Variants in ZFPM2 observed in about 807,000 individuals in gnomAD.
The protein encoded by ZFPM2 is zinc finger protein ZFPM2.
ZFPM2 carries 20 observed loss-of-function variants against 98.6 expected under a neutral mutation model. The observed-to-expected ratio is 0.20, with a 90% CI of 0.14 to 0.29. ZFPM2 has a LOEUF of 0.29. Ranked by LOEUF, ZFPM2 falls within the 10% of genes least tolerant of loss-of-function variation. ZFPM2 has a pLI of 1.00. For synonymous variants in ZFPM2, 518 were observed against 502.7 expected (o/e 1.03, Z -0.41); for missense variants, 1,310 against 1,388.6 (o/e 0.94, Z 0.90).
intron 5 of ZFPM2, among the ~76,000 whole-genome samples, chr8:105,694,988 AC>A (rs1204387950): frequency 1.3e-5 from 2 of 152,102 alleles, no homozygotes; most frequent in African/African-American, 4.8e-5. Context: ...TTTTAAGATA[AC>A]CCTCTAAAAC....
chr8:105,325,121 C>T (rs1812091785), intron 1 of ZFPM2, among the ~76,000 whole-genome samples: 1 of 151,748 alleles, frequency 6.6e-6, no homozygotes, highest in Non-Finnish European at 1.5e-5. Context: ...AATTCAACAC[C>T]TGCCACTGTG....
chr8:105,396,774 G>T (rs779822230), intron 1 of ZFPM2, among the ~76,000 whole-genome samples: 85 of 152,076 alleles, frequency 5.6e-4, no homozygotes, highest in Non-Finnish European at 1.0e-3. Flanking sequence ...TACAAATATT[G>T]CTAATCAAGA....
At chr8:105,648,122 T>G (rs1212325206) in intron 5 of ZFPM2, among the ~76,000 whole-genome samples, 1 of 152,236 alleles carries the variant, frequency 6.6e-6, no homozygotes, top group Non-Finnish European at 1.5e-5. Flanking sequence ...ATTCCTCTGA[T>G]GGCTAGTGAT....
chr8:105,725,817 C>T (rs73305073), intron 5 of ZFPM2, among the ~76,000 whole-genome samples: 24,045 of 151,496 alleles, frequency 0.16, 2,353 homozygotes, highest in East Asian at 0.34. Context: ...TGTGTCAGCT[C>T]TTACCACACA....
At chr8:105,697,097 A>G (rs1811034653) in intron 5 of ZFPM2, among the ~76,000 whole-genome samples, 1 of 152,214 alleles carries the variant, frequency 6.6e-6, no homozygotes, top group Non-Finnish European at 1.5e-5. Context: ...ACAAATGCGG[A>G]AAATCCGAGT....
At chr8:105,514,899 G>C (rs1010643036) in intron 3 of ZFPM2, among the ~76,000 whole-genome samples, 2 of 152,144 alleles carry the variant, frequency 1.3e-5, no homozygotes, top group Non-Finnish European at 2.9e-5. Flanking sequence ...CTCTTAATCA[G>C]TATCCATATG....
chr8:105,572,520 T>A (rs1815379946), intron 4 of ZFPM2, among the ~76,000 whole-genome samples: 1 of 152,028 alleles, frequency 6.6e-6, no homozygotes. Context: ...CAGGCTGGAG[T>A]GCAGTGGCGT....
chr8:105,647,675 A>G (rs957229715), intron 5 of ZFPM2, among the ~76,000 whole-genome samples: 5 of 151,980 alleles, frequency 3.3e-5, no homozygotes, highest in South Asian at 4.2e-4. Context: ...ATGATTTCCA[A>G]CTTCATCCAC....
chr8:105,560,184 A>G (rs933305394), intron 3 of ZFPM2, among the ~76,000 whole-genome samples: 16 of 60,074 alleles, frequency 2.7e-4, no homozygotes, highest in African/African-American at 7.3e-4. Context: ...AAAAAAAAAA[A>G]AAAGAAAGAA....
chr8:105,514,376 C>G (rs1328067451), intron 3 of ZFPM2, among the ~76,000 whole-genome samples: 3 of 144,912 alleles, frequency 2.1e-5, no homozygotes, highest in African/African-American at 7.7e-5. Flanking sequence ...ACATCATTCA[C>G]TCTCTGATGG....
chr8:105,789,665 C>G (rs1483819780), intron 6 of ZFPM2, among the ~76,000 whole-genome samples: 5 of 152,088 alleles, frequency 3.3e-5, no homozygotes, highest in African/African-American at 1.2e-4. Flanking sequence ...GCCACACTGA[C>G]TTCCACAATG....
intron 3 of ZFPM2, among the ~76,000 whole-genome samples, chr8:105,531,992 C>T (rs1314568905): frequency 6.6e-6 from 1 of 152,016 alleles, no homozygotes; most frequent in African/African-American, 2.4e-5. Flanking sequence ...CCTTTGTCTC[C>T]TGGGTTCAAG....
chr8:105,656,642 G>A (rs187784661), intron 5 of ZFPM2, among the ~76,000 whole-genome samples: 18 of 152,264 alleles, frequency 1.2e-4, no homozygotes, highest in Admixed American at 9.2e-4. Flanking sequence ...CTTGCTTCTG[G>A]TTTTTCGAGT....
At chr8:105,718,288 G>C (rs1193611542) in intron 5 of ZFPM2, among the ~76,000 whole-genome samples, 2 of 151,872 alleles carry the variant, frequency 1.3e-5, no homozygotes, top group African/African-American at 4.8e-5. Flanking sequence ...CAGAACAGGG[G>C]AATCAATTCC....
intron 4 of ZFPM2, among the ~76,000 whole-genome samples, chr8:105,586,357 A>G (rs1815714675): frequency 7.0e-6 from 1 of 142,098 alleles, no homozygotes; most frequent in African/African-American, 2.5e-5. Flanking sequence ...TTTCTTTTTT[A>G]TCGCTTTCAT....
At chr8:105,343,137 T>G (rs149401020) in intron 1 of ZFPM2, among the ~76,000 whole-genome samples, 151 of 152,250 alleles carry the variant, frequency 9.9e-4, no homozygotes, top group African/African-American at 3.4e-3. Context: ...TTAATAACAA[T>G]ATAGATTTTG....
chr8:105,514,588 T>C (rs1813883381), intron 3 of ZFPM2, among the ~76,000 whole-genome samples: 1 of 152,012 alleles, frequency 6.6e-6, no homozygotes, highest in South Asian at 2.1e-4. Flanking sequence ...AGCGCATTGC[T>C]TTTCCTTGCC....
intron 1 of ZFPM2, among the ~76,000 whole-genome samples, chr8:105,361,103 G>A (rs1257896375): frequency 9.9e-6 from 1 of 101,294 alleles, no homozygotes; most frequent in African/African-American, 3.4e-5. Flanking sequence ...GTGTAAAAGT[G>A]TTCCTATTTC....
At chr8:105,752,283 G>T (rs1007774945) in intron 5 of ZFPM2, among the ~76,000 whole-genome samples, 1 of 152,144 alleles carries the variant, frequency 6.6e-6, no homozygotes, top group Non-Finnish European at 1.5e-5. Context: ...TAGGGTTTAT[G>T]AAATGGCAGT....
Sources: gnomAD v4.1 joint callset for allele counts (sites outside exome capture counted in the v4.1 genomes callset) on GRCh38, gnomAD v4.1.1 for gene constraint, MANE v1.5 for transcripts, NCBI Gene and HGNC (gene_info 2026-07-23, HGNC 2026-07-21) for gene names.